The following SLC15A5 variants were observed in gnomAD, a reference collection of about 807,000 sequenced individuals.
SLC15A5 encodes solute carrier family 15 member 5.
SLC15A5 carries 58 observed loss-of-function variants against 56.1 expected under a neutral mutation model. That is an observed-to-expected ratio of 1.03 (90% CI 0.84 to 1.29). The LOEUF (loss-of-function observed/expected upper bound fraction) is 1.29. SLC15A5 is among the 50% of genes most tolerant of loss of function. SLC15A5 has a pLI of 0.00. For missense variants in SLC15A5, 681 were observed against 672.1 expected (o/e 1.01, Z -0.15); for synonymous variants, 264 against 250.5 (o/e 1.05, Z -0.51).
intron 3 of SLC15A5, among the ~76,000 whole-genome samples, chr12:16,249,139 T>A (rs900735003): frequency 2.0e-5 from 3 of 152,042 alleles, no homozygotes; most frequent in Admixed American, 6.6e-5. Context: ...TAGATGCACA[T>A]TTTTTCTTCT....
rs188365005 is a variant in SLC15A5 at position 16,272,871 on chromosome 12, T to C, written c.362-88A>G. On this transcript the variant is annotated intron_variant, in intron 1 of 8. Transcript: ENST00000344941. The stretch of plus-strand genomic sequence containing the variant: ...TTTAAACAGGGTTTTTCTCTGACAG[T>C]GGCATCATTTTGTGATTGTCTTATC... 11 of 1,141,682 alleles carry C rather than the reference T, an allele frequency of 9.6e-6. No homozygotes were observed. The East Asian group carries it at 2.8e-4, about 29-fold the overall frequency. The allele number at this position is 1,141,682 out of a possible 1,614,324, so 70.7% of individuals were successfully genotyped here. A position where few individuals can be genotyped will look rare whatever the true frequency, so the allele number is the denominator to read the frequency against.
chr12:16,193,780 G>GGAGAGA (rs766458422), intron 8 of SLC15A5, among the ~76,000 whole-genome samples: 5 of 75,764 alleles, frequency 6.6e-5, no homozygotes, highest in East Asian at 4.9e-4. Context: ...TATGTCAAGG[G>GGAGAGA]GAGAGAGAGA....
At chr12:16,214,255 G>A (rs1457652835) in intron 7 of SLC15A5, among the ~76,000 whole-genome samples, 1 of 152,198 alleles carries the variant, frequency 6.6e-6, no homozygotes, top group Admixed American at 6.5e-5. Flanking sequence ...GAATAGTTGT[G>A]TGATTAAAAA....
intron 4 of SLC15A5, 106 bp from the exon 5 acceptor site, chr12:16,239,973 A>G: frequency 9.8e-7 from 1 of 1,025,162 alleles, no homozygotes; most frequent in Non-Finnish European, 1.4e-6. Context: ...GTGATGGATG[A>G]GCTGGATGTT....
intron 4 of SLC15A5, among the ~76,000 whole-genome samples, chr12:16,242,284 T>C (rs1111660): frequency 0.99 from 151,372 of 152,302 alleles, 75,233 homozygotes; most frequent in South Asian, 1. Flanking sequence ...GCCTCCCTGG[T>C]GAAGTATGAT....
intron 1 of SLC15A5, among the ~76,000 whole-genome samples, chr12:16,273,267 C>G (rs1208179708): frequency 2.0e-5 from 3 of 151,912 alleles, no homozygotes; most frequent in African/African-American, 4.8e-5. Flanking sequence ...GAGGAGAACA[C>G]AGCCTTTTTT....
Position 16,194,394 on chromosome 12 carries a change from C to A in SLC15A5, c.1543G>T (p.Ala515Ser). The A allele has an allele frequency of 6.5e-7, 1 of 1,535,238 alleles. No homozygotes were observed. The highest frequency in any genetic ancestry group is 2.0e-5 in the Admixed American group (1 of 50,900). Residue 515 changes from alanine to serine, a missense_variant, in exon 8 of 9, where the codon GCA becomes TCA. Coordinates refer to ENST00000344941, the MANE Select transcript of SLC15A5 (RefSeq NM_001170798.1). Reference protein sequence around the residue: ...GNLESFFFFLASLTLLNVLGF... With the variant: ...GNLESFFFFLSSLTLLNVLGF... The stretch of plus-strand genomic sequence containing the variant: ...AGGACGTTCAACAATGTTAATGATG[C>A]CAGGAAGAAGAAGAAGCTTTCTAAA...
Position 16,248,504 on chromosome 12 carries a change from A to T in SLC15A5, c.755-3704T>A, listed in dbSNP as rs546686215. The stretch of plus-strand genomic sequence containing the variant: ...GTGGTGAAGTAATAAACCTAAGTTG[A>T]TCAACTGGACTGAGAGAGACCCAGT... On this transcript the variant is annotated intron_variant, in intron 3 of 8. Transcript: ENST00000344941. 5.3e-5 allele frequency among the ~76,000 whole-genome samples: 8 copies of T among 152,226 alleles called. No individual in the cohort carries two copies. The South Asian group carries it at 1.7e-3, about 32-fold the overall frequency.
At chr12:16,234,585 G>A (rs942599085) in intron 5 of SLC15A5, among the ~76,000 whole-genome samples, 2 of 152,058 alleles carry the variant, frequency 1.3e-5, no homozygotes, top group Admixed American at 1.3e-4. Context: ...TAGCAGATCT[G>A]TACTTACAAG....
chr12:16,272,920 A>C (rs1864775630), intron 1 of SLC15A5, 137 bp from the exon 2 acceptor site: 3 of 759,410 alleles, frequency 4.0e-6, no homozygotes, highest in Non-Finnish European at 6.3e-6. Flanking sequence ...TAGTCATTGC[A>C]ATTTCAGGGA....
At chr12:16,263,206 G>T (rs1404611642) in intron 2 of SLC15A5, among the ~76,000 whole-genome samples, 2 of 152,164 alleles carry the variant, frequency 1.3e-5, no homozygotes, top group Non-Finnish European at 2.9e-5. Flanking sequence ...CATGGACAAT[G>T]AAATCCAGGT....
chr12:16,272,911 A>G, intron 1 of SLC15A5, 128 bp from the exon 2 acceptor site: 1 of 822,254 alleles, frequency 1.2e-6, no homozygotes, highest in South Asian at 1.8e-5. Context: ...CATTTATGGT[A>G]GTCATTGCAA....
intron 7 of SLC15A5, among the ~76,000 whole-genome samples, chr12:16,216,261 T>C (rs1864128980): frequency 6.6e-6 from 1 of 152,196 alleles, no homozygotes; most frequent in Non-Finnish European, 1.5e-5. Flanking sequence ...TGTGATGACT[T>C]ATCATTATTG....
At chr12:16,191,074 C>T (rs953307674) in intron 8 of SLC15A5, among the ~76,000 whole-genome samples, 1 of 152,096 alleles carries the variant, frequency 6.6e-6, no homozygotes, top group African/African-American at 2.4e-5. Flanking sequence ...TCCTTCACCC[C>T]TAAACTGGAA....
intron 7 of SLC15A5, among the ~76,000 whole-genome samples, chr12:16,214,900 GT>G: frequency 6.6e-6 from 1 of 152,134 alleles, no homozygotes; most frequent in South Asian, 2.1e-4. Flanking sequence ...CTTGTGGCTA[GT>G]ATCTACAGTG....
At chr12:16,203,165 G>A (rs1015086016) in intron 7 of SLC15A5, among the ~76,000 whole-genome samples, 9 of 151,898 alleles carry the variant, frequency 5.9e-5, no homozygotes, top group Non-Finnish European at 8.8e-5. Context: ...GTGAGGTGGT[G>A]GACATGCTAA....
At chr12:16,200,653 G>A (rs1401059688) in intron 7 of SLC15A5, among the ~76,000 whole-genome samples, 1 of 151,898 alleles carries the variant, frequency 6.6e-6, no homozygotes, top group African/African-American at 2.4e-5. Flanking sequence ...CATCTAACTG[G>A]TCAATGAAGA....
Position 16,196,484 on chromosome 12 carries a change from G to C in SLC15A5, c.1484-2031C>G, listed in dbSNP as rs953291877. Among the ~76,000 whole-genome samples the C allele has an allele frequency of 1.3e-5, 2 of 151,918 alleles. No individual in the cohort carries two copies. The highest frequency in any genetic ancestry group is 6.6e-5 in the Admixed American group (1 of 15,218). On this transcript the variant is annotated intron_variant, in intron 7 of 8. Coordinates refer to ENST00000344941, the MANE Select transcript of SLC15A5 (RefSeq NM_001170798.1). This position sits in a 1 kb window ranked among gnomAD's most constrained non-coding sequence, Gnocchi z 4.0. ...AGAGTTGAGGTGGAGGTCAAGATAAGGTGCAATAACATCCTACTTATTTTC... is the reference window on the plus strand; with the variant it reads ...AGAGTTGAGGTGGAGGTCAAGATAACGTGCAATAACATCCTACTTATTTTC...
intron 7 of SLC15A5, among the ~76,000 whole-genome samples, chr12:16,208,275 CT>C (rs1399729767): frequency 6.6e-6 from 1 of 152,202 alleles, no homozygotes; most frequent in Non-Finnish European, 1.5e-5. Context: ...ACATTCCTTT[CT>C]TCAGGGCATT....
Sources: allele counts gnomAD v4.1 joint callset (sites outside exome capture counted in the v4.1 genomes callset), GRCh38; gene constraint gnomAD v4.1.1; non-coding constraint Gnocchi (gnomAD v3.1); transcripts MANE v1.5; gene names NCBI Gene and HGNC (gene_info 2026-07-23, HGNC 2026-07-21).